RNF19A: variants seen among roughly 807,000 people sequenced by gnomAD.
The protein encoded by RNF19A is ring finger protein 19A, RBR E3 ubiquitin protein ligase, also known as E3 ubiquitin-protein ligase RNF19A.
RNF19A carries 32 observed loss-of-function variants against 75.7 expected under a neutral mutation model. The ratio of observed to expected loss-of-function variants is 0.42; its 90% CI spans 0.32 to 0.57. The LOEUF (loss-of-function observed/expected upper bound fraction) is 0.57, where lower values mean the gene tolerates loss of function less well. Among genes scored for constraint, RNF19A ranks in the 20% least tolerant of loss-of-function variants. The probability of loss-of-function intolerance (pLI) is 0.10; values close to 1 mark genes in which losing one functional copy is unlikely to be tolerated. For synonymous variants in RNF19A, 335 were observed against 345.2 expected (o/e 0.97, Z 0.33); for missense variants, 782 against 1,036.3 (o/e 0.75, Z 3.37).
At chr8:100,305,197 T>C (rs542772930) in intron 1 of RNF19A, among the ~76,000 whole-genome samples, 1 of 152,304 alleles carries the variant, frequency 6.6e-6, no homozygotes, top group African/African-American at 2.4e-5. Context: ...CTCCCCATAC[T>C]GCTGGGATTA....
In RNF19A at chr8:100,292,435, G is replaced by GGTGTGTGTGTGT. The variant is rs1554671903; in HGVS notation, c.-93-4180_-93-4169dup. Among the ~76,000 whole-genome samples the GGTGTGTGTGTGT allele has an allele frequency of 5.6e-3, 815 of 145,402 alleles. 11 individuals carry two copies. The highest frequency in any genetic ancestry group is 0.019 in the African/African-American group (766 of 39,314). On this transcript the variant is annotated intron_variant, in intron 1 of 9. Transcript: ENST00000341084. ...TAATAAAGAGGCTTGCTATCATATG[G>GGTGTGTGTGTGT]GTGTGTGTGTGTGTGTGTGTGTGTG...
rs1409770364 is a variant in RNF19A, at chr8:100,324,397, C to T, written c.-242-11025G>A. Among the ~76,000 whole-genome samples the T allele has an allele frequency of 1.3e-5, 2 of 152,118 alleles. No homozygotes were observed. Among genetic ancestry groups the T allele is most frequent in the Non-Finnish European group, 2.9e-5 (2 of 68,024 alleles). On this transcript the variant is annotated intron_variant, in intron 1 of 3. Transcript: ENST00000519527. This position sits in a 1 kb window ranked among gnomAD's most constrained non-coding sequence, Gnocchi z 4.2. ...CAAAGAAGTATTTCTTTTGTTTCCA[C>T]CTTAATATTTACTGATTTATAGACC...
intron 5 of RNF19A, among the ~76,000 whole-genome samples, chr8:100,265,845 G>C (rs1235023644): frequency 6.6e-6 from 1 of 152,086 alleles, no homozygotes; most frequent in Non-Finnish European, 1.5e-5. Context: ...GAGGTTCCTT[G>C]TCAATGAGCC....
Position 100,333,062 on chromosome 8 carries a change from C to T in RNF19A, c.-243+3046G>A, listed in dbSNP as rs1468375700. ...TGCTAACTCTTAAAATTTGTTCCTTCTTACCATTTCTAGTATGGAAAAAAA... is the reference window on the plus strand; with the variant it reads ...TGCTAACTCTTAAAATTTGTTCCTTTTTACCATTTCTAGTATGGAAAAAAA... On this transcript the variant is annotated intron_variant, in intron 1 of 3. Transcript: ENST00000519527. The surrounding 1 kb of genome is among the most constrained non-coding windows in gnomAD (Gnocchi z 4.7). 6.7e-6 allele frequency among the ~76,000 whole-genome samples: 1 copy of T among 150,374 alleles called. No individual in the cohort carries two copies. Among genetic ancestry groups the T allele is most frequent in the Non-Finnish European group, 1.5e-5 (1 of 67,660 alleles).
In RNF19A at chr8:100,317,524, A is replaced by G. The variant is rs1349462610; in HGVS notation, c.-242-4152T>C. On this transcript the variant is annotated intron_variant, in intron 1 of 3. Transcript: ENST00000519527. The surrounding 1 kb of genome is among the most constrained non-coding windows in gnomAD (Gnocchi z 4.3). ...TTCCCCTCCCACCCATTCTTCTGAC[A>G]TATCCCCAAAGGTCTTCTTGATGGA... 6.6e-6 allele frequency among the ~76,000 whole-genome samples: 1 copy of G among 152,160 alleles called. No homozygotes were observed. The highest frequency in any genetic ancestry group is 1.5e-5 in the Non-Finnish European group (1 of 68,022).
chr8:100,259,256 A>G lies in RNF19A; in HGVS notation c.1827-10T>C, dbSNP rs767334361. 6.3e-7 allele frequency: 1 copy of G among 1,588,888 alleles called. No homozygotes were observed. The highest frequency in any genetic ancestry group is 8.6e-7 in the Non-Finnish European group (1 of 1,166,440). ...CATACTGTTGCCTTCTCTGAAATATAAGAGTAACAAATACAAACATAATTG... is the reference window on the plus strand; with the variant it reads ...CATACTGTTGCCTTCTCTGAAATATGAGAGTAACAAATACAAACATAATTG... On this transcript the variant is annotated splice_polypyrimidine_tract_variant and intron_variant, in intron 9 of 9. Coordinates refer to ENST00000341084, the MANE Select transcript of RNF19A (RefSeq NM_183419.4). This position sits in a 1 kb window ranked among gnomAD's most constrained non-coding sequence, Gnocchi z 4.5.
Position 100,268,790 on chromosome 8 carries a change from G to A in RNF19A, c.1186C>T (p.Arg396Cys), listed in dbSNP as rs754676669. 14 of 1,551,178 alleles carry A rather than the reference G, an allele frequency of 9.0e-6. No homozygotes were observed. The highest frequency in any genetic ancestry group is 2.4e-5 in the East Asian group (1 of 41,446). Residue 396 changes from arginine to cysteine, a missense_variant, in exon 5 of 10, where the codon CGC becomes TGC. This residue lies in a region of RNF19A where 41 missense variants were observed against 75.9 expected (regional missense o/e 0.54). Coordinates refer to ENST00000341084, the MANE Select transcript of RNF19A (RefSeq NM_183419.4). ...MIIGIPVYVG[R>C]KIHNRYEGKD... Reference sequence around the variant, plus strand: ...ACAAGAAGTATGCATTTTACCTTGCGGCCCACATACACAGGAATGCCAATA... The same window carrying A: ...ACAAGAAGTATGCATTTTACCTTGCAGCCCACATACACAGGAATGCCAATA...
intron 1 of RNF19A, among the ~76,000 whole-genome samples, chr8:100,297,367 C>T (rs1367485672): frequency 1.3e-5 from 2 of 152,180 alleles, no homozygotes; most frequent in Non-Finnish European, 2.9e-5. Flanking sequence ...CAGAAAGGAC[C>T]TCTCTGTATC....
In RNF19A at chr8:100,336,105, TA is replaced by T. The variant is rs1822679302; in HGVS notation, c.-243+2del. ...GCAAAACTGATAAGAAACCAGATAT[TA>T]CCATGAGCAGAAGCTGTGGGGTAGC... On this transcript the variant is annotated splice_donor_variant, in intron 1 of 3. Coordinates refer to the RNF19A transcript ENST00000519527. LOFTEE classifies it low-confidence loss of function (5UTR_SPLICE). The T allele has an allele frequency of 6.6e-6, 1 of 152,346 alleles. No individual in the cohort carries two copies. Among genetic ancestry groups the T allele is most frequent in the African/African-American group, 2.4e-5 (1 of 41,440 alleles). 9.4% of individuals were successfully genotyped at this position (152,346 alleles called of 1,614,324 possible).
At chr8:100,296,129 G>A (rs191923901) in intron 1 of RNF19A, among the ~76,000 whole-genome samples, 40 of 151,168 alleles carry the variant, frequency 2.6e-4, no homozygotes, top group African/African-American at 6.3e-4. Context: ...TTTTTGAGAC[G>A]GAGTCTCAAT....
intron 1 of RNF19A, among the ~76,000 whole-genome samples, chr8:100,300,015 G>C (rs924980795): frequency 5.3e-5 from 8 of 152,170 alleles, no homozygotes; most frequent in Admixed American, 3.9e-4. Flanking sequence ...AGTGCAATCT[G>C]TAAGAGGTGT....
chr8:100,268,513 C>T, intron 5 of RNF19A: 1 of 252,030 alleles, frequency 4.0e-6, no homozygotes, highest in Non-Finnish European at 7.5e-6. Context: ...GTGTATCCTT[C>T]AATATTTTAT....
chr8:100,283,244 G>C (rs1182738176), intron 2 of RNF19A, among the ~76,000 whole-genome samples: 1 of 29,536 alleles, frequency 3.4e-5, no homozygotes, highest in East Asian at 5.6e-4. Context: ...ACAGGTGATA[G>C]AAACTAAAAC....
upstream of RNF19A, chr8:100,310,089 C>A (rs980317494): frequency 2.3e-5 from 23 of 985,564 alleles, no homozygotes; most frequent in Non-Finnish European, 1.9e-5. Flanking sequence ...GGAACCAGCG[C>A]CGCAACTACC....
intron 3 of RNF19A, among the ~76,000 whole-genome samples, chr8:100,273,536 T>C (rs951392379): frequency 8.5e-5 from 13 of 152,166 alleles, no homozygotes; most frequent in African/African-American, 2.9e-4. Flanking sequence ...AAAACTCCCA[T>C]GGTGACTACG....
chr8:100,312,157 C>G (rs1822309686), upstream of RNF19A, among the ~76,000 whole-genome samples: 1 of 152,196 alleles, frequency 6.6e-6, no homozygotes. Context: ...GTTTATTATA[C>G]CCCGGAAATA....
Position 100,261,566 on chromosome 8 carries a change from C to T in RNF19A, c.1658G>A (p.Ser553Asn). 1 of 1,614,162 alleles carries T rather than the reference C, an allele frequency of 6.2e-7. No individual in the cohort carries two copies. The highest frequency in any genetic ancestry group is 8.5e-7 in the Non-Finnish European group (1 of 1,180,016). The change falls in exon 8 of 10, where the codon AGT becomes AAT. Residue 553 changes from serine (S) to asparagine (N), a missense_variant. This residue lies in a region of RNF19A where 442 missense variants were observed against 541.6 expected (regional missense o/e 0.82). Coordinates refer to ENST00000341084, the MANE Select transcript of RNF19A (RefSeq NM_183419.4). This position sits in a 1 kb window ranked among gnomAD's most constrained non-coding sequence, Gnocchi z 4.4. ...GASITGSLSG[S>N]AMVNCFNRLE... ...CCTGTTAAAACAGTTTACCATGGCA[C>T]TTCCTGACAGACTCCCCGTTATACT...
rs558452256 is a variant in RNF19A at position 100,259,481 on chromosome 8, G to A, written c.1827-235C>T. Among the ~76,000 whole-genome samples the A allele has an allele frequency of 1.3e-5, 2 of 152,218 alleles. No individual in the cohort carries two copies. Among genetic ancestry groups the A allele is most frequent in the South Asian group, 4.2e-4 (2 of 4,816 alleles). On this transcript the variant is annotated intron_variant, in intron 9 of 9. Transcript: ENST00000341084. The surrounding 1 kb of genome is among the most constrained non-coding windows in gnomAD (Gnocchi z 4.5). ...TTGCTTATGCTGTTCTAGACACTAT[G>A]CTACCTTTTTTTAAAGAACAGCTTT... is the stretch of plus-strand genomic sequence containing the variant.
Position 100,288,119 on chromosome 8 carries a change from T to C in RNF19A, c.56A>G (p.Asn19Ser), listed in dbSNP as rs1180795742. The C allele has an allele frequency of 1.2e-6, 2 of 1,613,882 alleles. No individual in the cohort carries two copies. ...TGTTAGAATTGAGACAGGGTCAGTG[T>C]TTACACACAGCCCTTCATTATATTT... ...ISKYNEGLCV[N>S]TDPVSILTSI... The change falls in exon 2 of 10, where the codon AAC (asparagine) becomes AGC (serine). Residue 19 changes from asparagine (N) to serine (S), a missense_variant. By Grantham distance (46) the Asn-to-Ser change is conservative (BLOSUM62 1). Around this residue, in one of 7 missense-constraint regions of RNF19A, gnomAD observed 148 missense variants for 147.9 expected, o/e 1.00. Transcript: ENST00000341084.
Sources: allele counts gnomAD v4.1 joint callset (sites outside exome capture counted in the v4.1 genomes callset), GRCh38; gene constraint gnomAD v4.1.1; regional missense constraint gnomAD v4.1.1; non-coding constraint Gnocchi (gnomAD v3.1); transcripts MANE v1.5; gene names NCBI Gene and HGNC (gene_info 2026-07-23, HGNC 2026-07-21).